The following PRPF8 variants were observed in gnomAD, a reference collection of about 807,000 sequenced individuals.
The protein encoded by PRPF8 is pre-mRNA-processing-splicing factor 8.
In PRPF8, 64 loss-of-function variants were observed where a neutral mutation model predicts 285.9. That is an observed-to-expected ratio of 0.22 (90% CI 0.18 to 0.28). PRPF8 has a LOEUF of 0.28. Ranked by LOEUF, PRPF8 falls within the 10% of genes least tolerant of loss-of-function variation. PRPF8 has a pLI of 1.00. For synonymous variants in PRPF8, 1,325 were observed against 1,118.2 expected (o/e 1.18, Z -3.69); for missense variants, 1,426 against 3,026.7 (o/e 0.47, Z 12.41).
chr17:1,684,402 C>G, intron 2 of PRPF8, 70 bp downstream of exon 2: 3 of 1,525,200 alleles, frequency 2.0e-6, no homozygotes, highest in Non-Finnish European at 2.7e-6. Context: ...GGGGAGGGTC[C>G]CCACCCGCCT....
rs761265275 is a variant in PRPF8 at position 1,659,846 on chromosome 17, G to A, written c.4941C>T (p.Asp1647=). ...CTGGGTCCTGAGGCACTTACTTGGA[G>A]TCAGCCAGCAATGAGGGCCGGGAGA... ...WNVSRPSLLA[D]SKDVMDSTTT... The change falls in exon 31 of 43, where the codon GAC becomes GAT. Residue 1647 remains aspartate (D), a synonymous_variant. Coordinates refer to ENST00000304992, the MANE Select transcript of PRPF8 (RefSeq NM_006445.4). The surrounding 1 kb of genome is among the most constrained non-coding windows in gnomAD (Gnocchi z 5.1). The A allele has an allele frequency of 5.6e-6, 9 of 1,614,190 alleles. No homozygotes were observed. The South Asian group carries it at 9.9e-5, about 18-fold the overall frequency.
At position 1,675,599 on chromosome 17, in the gene PRPF8, G is replaced by A. The variant is rs764586855; in HGVS notation, c.2872+21C>T. The A allele has an allele frequency of 6.2e-7, 1 of 1,613,874 alleles. No homozygotes were observed. The highest frequency in any genetic ancestry group is 8.5e-7 in the Non-Finnish European group (1 of 1,179,862). On this transcript the variant is annotated intron_variant, in intron 19 of 42. Coordinates refer to ENST00000304992, the MANE Select transcript of PRPF8 (RefSeq NM_006445.4). The surrounding 1 kb of genome is among the most constrained non-coding windows in gnomAD (Gnocchi z 6.0). ...AAATTCCTGCCCCGTTCCTCACAGG[G>A]CGATCTCATGAAAGTTCTACCTTGA...
chr17:1,672,969 C>T (rs1315070520), intron 24 of PRPF8, 112 bp downstream of exon 24: 3 of 988,068 alleles, frequency 3.0e-6, no homozygotes, highest in Non-Finnish European at 3.3e-6. Flanking sequence ...GAAACTGGCA[C>T]ACTAAGCAAA....
chr17:1,664,228 T>G (rs1315147105), intron 24 of PRPF8, among the ~76,000 whole-genome samples: 1 of 152,124 alleles, frequency 6.6e-6, no homozygotes. Flanking sequence ...AAATGGGGTT[T>G]CGCTATGTTG....
chr17:1,659,797 C>T lies in PRPF8; in HGVS notation c.4946+44G>A, dbSNP rs201340284. ...TTGCAGGGCTAGAAGAACAGGAAAA[C>T]GAAAGTGTCCTGGCTGCCTAGGGCT... On this transcript the variant is annotated intron_variant, in intron 31 of 42. Transcript: ENST00000304992. The surrounding 1 kb of genome is among the most constrained non-coding windows in gnomAD (Gnocchi z 5.1). 47 of 1,605,238 alleles carry T rather than the reference C, an allele frequency of 2.9e-5. No individual in the cohort carries two copies. Among genetic ancestry groups the T allele is most frequent in the East Asian group, 2.0e-4 (9 of 44,724 alleles).
chr17:1,659,236 G>A lies in PRPF8; in HGVS notation c.5138+121C>T, dbSNP rs1184434140. The A allele has an allele frequency of 2.6e-6, 3 of 1,150,614 alleles. No individual in the cohort carries two copies. The highest frequency in any genetic ancestry group is 3.9e-6 in the Non-Finnish European group (3 of 773,954). 71.3% of individuals were successfully genotyped at this position (1,150,614 alleles called of 1,614,324 possible). A position where few individuals can be genotyped will look rare whatever the true frequency, so the allele number is the denominator to read the frequency against. ...AGACAGGGTTTCACCATGTTGCCCA[G>A]ACTGGTCTCAAACTCCTGAGCTCAG... On this transcript the variant is annotated intron_variant, in intron 32 of 42. Transcript: ENST00000304992. This position sits in a 1 kb window ranked among gnomAD's most constrained non-coding sequence, Gnocchi z 5.1.
In PRPF8 at chr17:1,657,843, C is replaced by T. The variant is rs1039873413; in HGVS notation, c.5505+410G>A. Among the ~76,000 whole-genome samples the T allele has an allele frequency of 7.3e-5, 11 of 150,610 alleles. No homozygotes were observed. The East Asian group carries it at 7.8e-4, about 11-fold the overall frequency. On this transcript the variant is annotated intron_variant, in intron 34 of 42. Coordinates refer to ENST00000304992, the MANE Select transcript of PRPF8 (RefSeq NM_006445.4). ...AAAATTAGCCAGGCGTGGTGGCGGGCGCCTGTAGTCCCAGCTACTCGGGAG... is the reference window on the plus strand; with the variant it reads ...AAAATTAGCCAGGCGTGGTGGCGGGTGCCTGTAGTCCCAGCTACTCGGGAG...
rs1567687394 is a variant in PRPF8 at position 1,673,982 on chromosome 17, C to T, written c.3300-90G>A. 4 of 1,386,132 alleles carry T rather than the reference C, an allele frequency of 2.9e-6. No homozygotes were observed. The highest frequency in any genetic ancestry group is 4.0e-6 in the Non-Finnish European group (4 of 988,968). The allele number at this position is 1,386,132 out of a possible 1,614,324, so 85.9% of individuals were successfully genotyped here. ...TCCAGCTCAATAGACGGAGACCCCACCCCATCCTACCCCCACCCTCCCCGG... is the reference window on the plus strand; with the variant it reads ...TCCAGCTCAATAGACGGAGACCCCATCCCATCCTACCCCCACCCTCCCCGG... On this transcript the variant is annotated intron_variant, in intron 21 of 42. Transcript: ENST00000304992. This position sits in a 1 kb window ranked among gnomAD's most constrained non-coding sequence, Gnocchi z 5.5.
intron 39 of PRPF8, chr17:1,652,240 C>CT: frequency 3.2e-6 from 1 of 307,828 alleles, no homozygotes; most frequent in South Asian, 2.9e-5. Context: ...ACCTGACAGC[C>CT]ACTAAATAGT....
At position 1,658,493 on chromosome 17, in the gene PRPF8, G is replaced by A. The variant is rs1911512241; in HGVS notation, c.5376+33C>T. 5 of 1,611,396 alleles carry A rather than the reference G, an allele frequency of 3.1e-6. No individual in the cohort carries two copies. Among genetic ancestry groups the A allele is most frequent in the African/African-American group, 2.7e-5 (2 of 74,854 alleles). Reference sequence around the variant, plus strand: ...TTACTCTCCCACAGCCATGTACAGAGTCCCGCACCTATACACTGCTGCTAA... The same window carrying A: ...TTACTCTCCCACAGCCATGTACAGAATCCCGCACCTATACACTGCTGCTAA... On this transcript the variant is annotated intron_variant, in intron 33 of 42. Coordinates refer to ENST00000304992, the MANE Select transcript of PRPF8 (RefSeq NM_006445.4). The surrounding 1 kb of genome is among the most constrained non-coding windows in gnomAD (Gnocchi z 4.1).
At chr17:1,663,025 A>G (rs2151117513) in intron 24 of PRPF8, among the ~76,000 whole-genome samples, 1 of 152,258 alleles carries the variant, frequency 6.6e-6, no homozygotes, top group East Asian at 1.9e-4. Context: ...CACTTATAAT[A>G]CATGTACAAT....
In PRPF8 at chr17:1,661,179, G is replaced by T; in HGVS notation, c.4339-17C>A. ...CTTCAAAACCTAGATGGCAAGGCAG[G>T]CACGGTCAAGCTTCTGGGTGCCTAT... On this transcript the variant is annotated splice_polypyrimidine_tract_variant and intron_variant, in intron 27 of 42. Coordinates refer to ENST00000304992, the MANE Select transcript of PRPF8 (RefSeq NM_006445.4). The surrounding 1 kb of genome is among the most constrained non-coding windows in gnomAD (Gnocchi z 7.3). 6.2e-7 allele frequency: 1 copy of T among 1,614,144 alleles called. No individual in the cohort carries two copies.
At chr17:1,668,003 T>C (rs1912089498) in intron 24 of PRPF8, among the ~76,000 whole-genome samples, 1 of 152,232 alleles carries the variant, frequency 6.6e-6, no homozygotes, top group Non-Finnish European at 1.5e-5. Flanking sequence ...CCAAGTAATA[T>C]GGCTTACTAA....
chr17:1,670,421 G>C (rs184991569), intron 24 of PRPF8, among the ~76,000 whole-genome samples: 1 of 152,240 alleles, frequency 6.6e-6, no homozygotes, highest in Admixed American at 6.5e-5. Flanking sequence ...GATTTTATCT[G>C]CTAACTTCTT....
intron 2 of PRPF8, 55 bp from the exon 3 acceptor site, chr17:1,683,756 C>A (rs1389548844): frequency 3.7e-6 from 6 of 1,603,938 alleles, no homozygotes; most frequent in Non-Finnish European, 3.4e-6. Context: ...ATCCTCTTCA[C>A]CTCTTGCCCT....
chr17:1,679,647 G>A lies in PRPF8; in HGVS notation c.1251C>T (p.Arg417=), dbSNP rs777506651. 6.2e-7 allele frequency: 1 copy of A among 1,614,054 alleles called. No homozygotes were observed. The highest frequency in any genetic ancestry group is 1.1e-5 in the South Asian group (1 of 91,080). ...GGGGTATGTCCAGGGCCCGACGGGT[G>A]CGACCAGAGCGTAGGTTGAAGGGCC... ...APRPFNLRSG[R]TRRALDIPLV... The change falls in exon 9 of 43, where the codon CGC becomes CGT. Residue 417 remains arginine, a synonymous_variant. Coordinates refer to ENST00000304992, the MANE Select transcript of PRPF8 (RefSeq NM_006445.4). This position sits in a 1 kb window ranked among gnomAD's most constrained non-coding sequence, Gnocchi z 4.7.
chr17:1,678,554 C>T lies in PRPF8; in HGVS notation c.1818G>A (p.Lys606=), dbSNP rs781122545. The stretch of plus-strand genomic sequence containing the variant: ...GATAATAGATGAGATGCTTCAGGTC[C>T]TTGCACATGCGAATCTGTCGCATCA... ...YKLMRQIRMC[K]DLKHLIYYRF... Residue 606 remains lysine (K), a synonymous_variant, in exon 13 of 43, where the codon AAG becomes AAA. Coordinates refer to ENST00000304992, the MANE Select transcript of PRPF8 (RefSeq NM_006445.4). 6.2e-7 allele frequency: 1 copy of T among 1,614,242 alleles called. No individual in the cohort carries two copies. Among genetic ancestry groups the T allele is most frequent in the Non-Finnish European group, 8.5e-7 (1 of 1,180,046 alleles).
chr17:1,675,011 G>A lies in PRPF8; in HGVS notation c.3060+141C>T. On this transcript the variant is annotated intron_variant, in intron 20 of 42. Coordinates refer to ENST00000304992, the MANE Select transcript of PRPF8 (RefSeq NM_006445.4). The surrounding 1 kb of genome is among the most constrained non-coding windows in gnomAD (Gnocchi z 6.0). The stretch of plus-strand genomic sequence containing the variant: ...ACTGGTCTCGAACTCCTGACCTCGT[G>A]ATCTGCCCGCCTCAGCCTCCCAAAG... 1 of 979,874 alleles carries A rather than the reference G, an allele frequency of 1.0e-6. No individual in the cohort carries two copies. 60.7% of individuals were successfully genotyped at this position (979,874 alleles called of 1,614,324 possible).
At chr17:1,683,321 G>A (rs1299839476) in intron 3 of PRPF8, 3 of 649,234 alleles carry the variant, frequency 4.6e-6, no homozygotes, top group Non-Finnish European at 8.2e-6. Flanking sequence ...ATCATCAACA[G>A]GACAAATTAA....
Sources: gnomAD v4.1 joint callset for allele counts (sites outside exome capture counted in the v4.1 genomes callset) on GRCh38, gnomAD v4.1.1 for gene constraint, Gnocchi (gnomAD v3.1) non-coding constraint, MANE v1.5 for transcripts, NCBI Gene and HGNC (gene_info 2026-07-23, HGNC 2026-07-21) for gene names.